PCDHA13: variants seen among roughly 807,000 people sequenced by gnomAD.
The protein encoded by PCDHA13 is protocadherin alpha 13.
PCDHA13 carries 54 observed loss-of-function variants against 64.8 expected under a neutral mutation model. The ratio of observed to expected loss-of-function variants is 0.83; its 90% CI spans 0.67 to 1.04. The LOEUF (loss-of-function observed/expected upper bound fraction) is 1.04, where lower values mean the gene tolerates loss of function less well. PCDHA13 is among the 50% of genes least tolerant of loss of function. The probability of loss-of-function intolerance (pLI) is 0.00; values close to 1 mark genes in which losing one functional copy is unlikely to be tolerated. For missense variants in PCDHA13, 1,248 were observed against 1,254.3 expected, an observed-to-expected ratio of 0.99 and a Z score of 0.08; for synonymous variants, 587 against 564.4, an observed-to-expected ratio of 1.04 and a Z score of -0.57.
At chr5:140,918,595 A>T (rs2078770795) in intron 1 of PCDHA13, among the ~76,000 whole-genome samples, 1 of 152,228 alleles carries the variant, frequency 6.6e-6, no homozygotes, top group Non-Finnish European at 1.5e-5. Context: ...TGTTCTATAG[A>T]TGTTGCTATG....
At chr5:140,966,808 A>G (rs782040625) in intron 1 of PCDHA13, 5 of 1,548,024 alleles carry the variant, frequency 3.2e-6, no homozygotes, top group Non-Finnish European at 4.3e-6. Context: ...CAGAGCATCC[A>G]CGGCTCCGGC....
At chr5:140,988,026 T>A (rs1405610277) in intron 3 of PCDHA13, among the ~76,000 whole-genome samples, 1 of 152,152 alleles carries the variant, frequency 6.6e-6, no homozygotes, top group Non-Finnish European at 1.5e-5. Context: ...GATTCTTAAG[T>A]TTTTTAGAAT....
rs781792274 is a variant in PCDHA13 at position 140,927,895 on chromosome 5, G to C, written c.2394+43233G>C. ...GCTGGTGGAGGTGACTGACGTGAAC[G>C]ATCATGCCCCCGAACTGGACTTCCT... On this transcript the variant is annotated intron_variant, in intron 1 of 3. Coordinates refer to ENST00000289272, the MANE Select transcript of PCDHA13 (RefSeq NM_018904.3). The C allele has an allele frequency of 3.7e-6, 6 of 1,614,074 alleles. No homozygotes were observed. The South Asian group carries it at 6.6e-5, about 18-fold the overall frequency.
intron 1 of PCDHA13, chr5:140,969,611 A>G: frequency 1.4e-6 from 1 of 723,476 alleles, no homozygotes; most frequent in Non-Finnish European, 2.2e-6. Flanking sequence ...TAAAACACAG[A>G]TTTGTAGAGA....
chr5:140,886,844 A>AAG (rs2061185449), intron 1 of PCDHA13, among the ~76,000 whole-genome samples: 1 of 150,634 alleles, frequency 6.6e-6, no homozygotes, highest in Non-Finnish European at 1.5e-5. Flanking sequence ...AAAAAAAAAA[A>AAG]AAAGAAAGGT....
At chr5:141,008,347 G>A (rs551037675) in intron 3 of PCDHA13, among the ~76,000 whole-genome samples, 7 of 152,244 alleles carry the variant, frequency 4.6e-5, no homozygotes, top group South Asian at 2.1e-4. Flanking sequence ...AGCTTTTCAC[G>A]TGTCAACCAA....
At chr5:140,962,431 A>G (rs782205198) in intron 1 of PCDHA13, among the ~76,000 whole-genome samples, 2 of 152,126 alleles carry the variant, frequency 1.3e-5, no homozygotes, top group Non-Finnish European at 2.9e-5. Flanking sequence ...ATTGTTACTT[A>G]TCCAAAGATG....
chr5:141,007,831 C>T (rs1347788424), intron 3 of PCDHA13, among the ~76,000 whole-genome samples: 2 of 152,296 alleles, frequency 1.3e-5, no homozygotes, highest in East Asian at 3.9e-4. Context: ...CAAGTAGCTA[C>T]CCATTAGAGA....
At chr5:140,909,560 C>A (rs2074577216) in intron 1 of PCDHA13, among the ~76,000 whole-genome samples, 1 of 152,284 alleles carries the variant, frequency 6.6e-6, no homozygotes, top group Middle Eastern at 3.4e-3. Flanking sequence ...ATCTCTGCAA[C>A]CCATCCAGAG....
At position 140,884,573 on chromosome 5, in the gene PCDHA13, C is replaced by T; in HGVS notation, c.2305C>T (p.Leu769Phe). The T allele has an allele frequency of 6.2e-7, 1 of 1,614,170 alleles. No individual in the cohort carries two copies. The highest frequency in any genetic ancestry group is 8.5e-7 in the Non-Finnish European group (1 of 1,180,020). Residue 769 changes from leucine to phenylalanine, a missense_variant, in exon 1 of 4, where the codon CTC becomes TTC. Coordinates refer to ENST00000289272, the MANE Select transcript of PCDHA13 (RefSeq NM_018904.3). The part of the protein sequence containing the change: ...CSGEGPHKTD[L>F]MAFSPSLPPC... ...TGGGGAGGGCCCGCATAAGACGGACCTCATGGCCTTCAGTCCCAGCCTTCC... is the reference window on the plus strand; with the variant it reads ...TGGGGAGGGCCCGCATAAGACGGACTTCATGGCCTTCAGTCCCAGCCTTCC...
intron 1 of PCDHA13, among the ~76,000 whole-genome samples, chr5:140,907,411 G>A (rs1053744231): frequency 8.5e-5 from 13 of 152,192 alleles, no homozygotes; most frequent in Admixed American, 2.6e-4. Flanking sequence ...GGAATACCAC[G>A]ATGGTGGATA....
rs782411315 is a variant in PCDHA13, at chr5:140,883,596, T to G, written c.1328T>G (p.Val443Gly). ...CTGTGGGCCACGGCCAGCGTGTCGG[T>G]GGGGGTGGCCGACGTGAACGACAAC... ...PSLWATASVSVGVADVNDNAP... is the reference protein window; with the variant it reads ...PSLWATASVSGGVADVNDNAP... Residue 443 changes from valine to glycine, a missense_variant, in exon 1 of 4, where the codon GTG becomes GGG. Coordinates refer to ENST00000289272, the MANE Select transcript of PCDHA13 (RefSeq NM_018904.3). 1.0e-4 allele frequency: 167 copies of G among 1,613,676 alleles called. No homozygotes were observed. The highest frequency in any genetic ancestry group is 1.6e-4 in the Middle Eastern group (1 of 6,072).
intron 1 of PCDHA13, among the ~76,000 whole-genome samples, chr5:140,953,746 A>G (rs2094931124): frequency 6.6e-6 from 1 of 152,016 alleles, no homozygotes; most frequent in African/African-American, 2.4e-5. Context: ...TTAACATTAC[A>G]TTTATCCAAG....
intron 1 of PCDHA13, among the ~76,000 whole-genome samples, chr5:140,907,844 C>T (rs1402744978): frequency 1.3e-5 from 2 of 152,218 alleles, no homozygotes; most frequent in African/African-American, 4.8e-5. Context: ...TATTAAAATC[C>T]TCCTCTGCTG....
chr5:140,967,976 C>T (rs2096205972), intron 1 of PCDHA13: 3 of 1,614,222 alleles, frequency 1.9e-6, no homozygotes, highest in Non-Finnish European at 2.5e-6. Context: ...GAGCCTGGGT[C>T]TGGAGGCCAC....
chr5:140,978,894 C>G, intron 1 of PCDHA13, 55 bp from the exon 2 acceptor site: 1 of 1,612,598 alleles, frequency 6.2e-7, no homozygotes, highest in South Asian at 1.1e-5. Flanking sequence ...AGCAGCATTC[C>G]TGGGAGAACA....
intron 1 of PCDHA13, among the ~76,000 whole-genome samples, chr5:140,942,347 G>T (rs2093273719): frequency 6.6e-6 from 1 of 151,956 alleles, no homozygotes; most frequent in Non-Finnish European, 1.5e-5. Flanking sequence ...GGGAGGCGGA[G>T]GTTGCAGTTA....
chr5:140,932,712 A>G (rs1025750078), intron 1 of PCDHA13, among the ~76,000 whole-genome samples: 4 of 151,972 alleles, frequency 2.6e-5, no homozygotes, highest in African/African-American at 9.6e-5. Context: ...AGACAACACA[A>G]TAATATTGTA....
Position 140,967,000 on chromosome 5 carries a change from C to T in PCDHA13, c.2395-11949C>T, listed in dbSNP as rs544624379. The T allele has an allele frequency of 6.1e-5, 98 of 1,604,962 alleles. No individual in the cohort carries two copies. The East Asian group carries it at 2.1e-3, about 35-fold the overall frequency. ...GGCGCTTGGGGCCGGGTTGCTTGCG[C>T]ATCAACCATCTGGGTGCGCCCAGTC... On this transcript the variant is annotated intron_variant, in intron 1 of 3. Coordinates refer to ENST00000289272, the MANE Select transcript of PCDHA13 (RefSeq NM_018904.3).
Sources: allele counts gnomAD v4.1 joint callset (sites outside exome capture counted in the v4.1 genomes callset), GRCh38; gene constraint gnomAD v4.1.1; transcripts MANE v1.5; gene names NCBI Gene and HGNC (gene_info 2026-07-23, HGNC 2026-07-21).